Variants in SLC4A4 observed in about 807,000 individuals in gnomAD.
SLC4A4 encodes electrogenic sodium bicarbonate cotransporter 1.
In SLC4A4, 27 loss-of-function variants were observed where a neutral mutation model predicts 111.5. That is an observed-to-expected ratio of 0.24 (90% CI 0.18 to 0.33). The LOEUF is 0.33. Ranked by LOEUF, SLC4A4 falls within the 10% of genes least tolerant of loss-of-function variation. SLC4A4 has a pLI of 1.00. For synonymous variants in SLC4A4, 443 were observed against 463.4 expected (o/e 0.96, Z 0.57); for missense variants, 909 against 1,315.5 (o/e 0.69, Z 4.78).
chr4:71,366,484 T>A (rs189866154), intron 6 of SLC4A4, among the ~76,000 whole-genome samples: 10 of 152,268 alleles, frequency 6.6e-5, no homozygotes, highest in African/African-American at 1.9e-4. Context: ...CATCTTTTTC[T>A]ACAGTCTAAA....
intron 16 of SLC4A4, among the ~76,000 whole-genome samples, chr4:71,519,930 G>T (rs1447651968): frequency 6.6e-6 from 1 of 152,126 alleles, no homozygotes; most frequent in African/African-American, 2.4e-5. Context: ...TATTACAGGC[G>T]TGAGCCACTG....
chr4:71,265,852 GT>G (rs1722209245), intron 3 of SLC4A4, among the ~76,000 whole-genome samples: 2 of 152,028 alleles, frequency 1.3e-5, no homozygotes, highest in South Asian at 4.1e-4. Context: ...AGTTATGCTA[GT>G]CCTTTTCCTA....
At chr4:71,268,482 T>G (rs1722466514) in intron 3 of SLC4A4, among the ~76,000 whole-genome samples, 1 of 152,200 alleles carries the variant, frequency 6.6e-6, no homozygotes, top group African/African-American at 2.4e-5. Flanking sequence ...CGATTTATAC[T>G]TTGGTTTTGG....
intron 15 of SLC4A4, among the ~76,000 whole-genome samples, chr4:71,494,899 T>C (rs4254737): frequency 0.72 from 109,506 of 151,902 alleles, 40,570 homozygotes; most frequent in Non-Finnish European, 0.82. Flanking sequence ...GGAACAATAA[T>C]ATTGAAATAA....
At chr4:71,255,760 T>C (rs1278192080) in intron 3 of SLC4A4, among the ~76,000 whole-genome samples, 1 of 152,178 alleles carries the variant, frequency 6.6e-6, no homozygotes, top group Non-Finnish European at 1.5e-5. Context: ...AGAAATAGGT[T>C]CTGTTGAGAC....
Position 71,166,477 on chromosome 4 carries a change from T to C in SLC4A4, c.-1-70099T>C, listed in dbSNP as rs577565910. On this transcript the variant is annotated intron_variant, in intron 2 of 26. Coordinates refer to the SLC4A4 transcript ENST00000649996. The stretch of plus-strand genomic sequence containing the variant: ...GGTGTTAATAAAAGAAAAAATACAG[T>C]GTAAACAAAACAGCTTTGTGTTCCA... 7.9e-5 allele frequency among the ~76,000 whole-genome samples: 12 copies of C among 152,274 alleles called. No homozygotes were observed. The South Asian group carries it at 2.5e-3, about 32-fold the overall frequency.
intron 3 of SLC4A4, among the ~76,000 whole-genome samples, chr4:71,291,270 GTA>G (rs1261827076): frequency 2.0e-5 from 3 of 152,254 alleles, no homozygotes; most frequent in East Asian, 3.9e-4. Context: ...CATGGCACAT[GTA>G]TACATATGTA....
chr4:71,568,451 A>C lies in SLC4A4; in HGVS notation c.*700A>C, dbSNP rs1417843600. The C allele has an allele frequency of 6.6e-6, 1 of 152,274 alleles. No homozygotes were observed. Among genetic ancestry groups the C allele is most frequent in the Non-Finnish European group, 1.5e-5 (1 of 67,896 alleles). 9.4% of individuals were successfully genotyped at this position (152,274 alleles called of 1,614,324 possible). A position where few individuals can be genotyped will look rare whatever the true frequency, so the allele number is the denominator to read the frequency against. On this transcript the variant is annotated 3_prime_UTR_variant, in exon 26 of 26. Coordinates refer to ENST00000264485, the MANE Select transcript of SLC4A4 (RefSeq NM_001098484.3). Reference sequence around the variant, plus strand: ...AAACTGAAGGTACTTTACTCCCTATAGAGAAACCATTGCCATCATTGTAGC... The same window carrying C: ...AAACTGAAGGTACTTTACTCCCTATCGAGAAACCATTGCCATCATTGTAGC...
At chr4:71,272,477 T>C (rs1485906184) in intron 3 of SLC4A4, among the ~76,000 whole-genome samples, 2 of 152,170 alleles carry the variant, frequency 1.3e-5, no homozygotes, top group African/African-American at 4.8e-5. Flanking sequence ...CTAATTAGCA[T>C]GTGCTTTACC....
chr4:71,531,477 T>C (rs1054714887), intron 16 of SLC4A4, among the ~76,000 whole-genome samples: 8 of 152,088 alleles, frequency 5.3e-5, no homozygotes, highest in Non-Finnish European at 1.0e-4. Flanking sequence ...CACTTGACAT[T>C]ACTTTGAGGT....
At chr4:71,294,848 T>C (rs540656948) in intron 3 of SLC4A4, among the ~76,000 whole-genome samples, 51 of 152,348 alleles carry the variant, frequency 3.3e-4, no homozygotes, top group Non-Finnish European at 6.5e-4. Flanking sequence ...GTTATAAATA[T>C]AATATGCAGA....
At chr4:71,177,076 C>G (rs976584188) in intron 2 of SLC4A4, among the ~76,000 whole-genome samples, 5 of 152,070 alleles carry the variant, frequency 3.3e-5, no homozygotes, top group Admixed American at 3.3e-4. Flanking sequence ...TCCAGCCAAA[C>G]TAAGCTTCAT....
At chr4:71,170,635 A>C (rs1744909545) in intron 2 of SLC4A4, among the ~76,000 whole-genome samples, 2 of 152,186 alleles carry the variant, frequency 1.3e-5, no homozygotes, top group Non-Finnish European at 2.9e-5. Flanking sequence ...TATGCATAGG[A>C]CTGTTCTAGA....
rs58765854 is a variant in SLC4A4, at chr4:71,406,645, CT to C, written c.807+9008del. Among the ~76,000 whole-genome samples, 274 of 140,186 alleles carry C rather than the reference CT, an allele frequency of 2.0e-3. 1 individual carries two copies. Among genetic ancestry groups the C allele is most frequent in the African/African-American group, 4.0e-3 (150 of 37,600 alleles). The allele number at this position is 140,186 out of a possible 152,430, so 92.0% of individuals were successfully genotyped here. On this transcript the variant is annotated intron_variant, in intron 7 of 25. Transcript: ENST00000264485. ...CTGAACTGAAATGAAAACAATGATT[CT>C]TTTTTTTTTTTTTTTGCCACCATGT...
chr4:71,216,187 G>A (rs1012004007), intron 1 of SLC4A4, among the ~76,000 whole-genome samples: 1 of 152,154 alleles, frequency 6.6e-6, no homozygotes, highest in Admixed American at 6.5e-5. Flanking sequence ...GGGATTACAG[G>A]CGTGAGCCAC....
chr4:71,553,178 A>G (rs1736184498), intron 20 of SLC4A4, among the ~76,000 whole-genome samples: 1 of 151,900 alleles, frequency 6.6e-6, no homozygotes, highest in Non-Finnish European at 1.5e-5. Flanking sequence ...CTTTATATGT[A>G]TTATTTCCTT....
chr4:71,130,350 C>G (rs1201692554), intron 2 of SLC4A4, among the ~76,000 whole-genome samples: 13 of 152,128 alleles, frequency 8.5e-5, no homozygotes, highest in Admixed American at 8.5e-4. Flanking sequence ...CCACCTCAGC[C>G]TCCTGAATAG....
At chr4:71,121,014 C>T (rs1578498977) in intron 2 of SLC4A4, among the ~76,000 whole-genome samples, 2 of 152,322 alleles carry the variant, frequency 1.3e-5, no homozygotes, top group South Asian at 4.1e-4. Context: ...GTAGGTCCCG[C>T]ACTTGGAGTG....
At chr4:71,564,748 A>G (rs889777639) in intron 24 of SLC4A4, among the ~76,000 whole-genome samples, 3 of 151,956 alleles carry the variant, frequency 2.0e-5, no homozygotes, top group Non-Finnish European at 4.4e-5. Flanking sequence ...TGCCACCTCA[A>G]CTACAATAAG....
Sources: gnomAD v4.1 joint callset for allele counts (sites outside exome capture counted in the v4.1 genomes callset) on GRCh38, gnomAD v4.1.1 for gene constraint, MANE v1.5 for transcripts, NCBI Gene and HGNC (gene_info 2026-07-23, HGNC 2026-07-21) for gene names.